The following ACTR1B variants were observed in gnomAD, a reference collection of about 807,000 sequenced individuals.
ACTR1B encodes beta-centractin.
Under a neutral mutation model 49.4 loss-of-function variants are expected in ACTR1B, and 34 were observed. The ratio of observed to expected loss-of-function variants is 0.69; its 90% CI spans 0.52 to 0.92. The LOEUF is 0.92. Ranked by LOEUF, ACTR1B falls within the 40% of genes least tolerant of loss-of-function variation. The pLI is 0.00. For synonymous variants in ACTR1B, 207 were observed against 207.8 expected (o/e 1.00, Z 0.03); for missense variants, 471 against 522.4 (o/e 0.90, Z 0.96).
Position 97,659,742 on chromosome 2 carries a change from A to T in ACTR1B, c.190-265T>A. 1 of 536,110 alleles carries T rather than the reference A, an allele frequency of 1.9e-6. No homozygotes were observed. Among genetic ancestry groups the T allele is most frequent in the African/African-American group, 1.9e-5 (1 of 52,300 alleles). 33.2% of individuals were successfully genotyped at this position (536,110 alleles called of 1,614,324 possible). A position where few individuals can be genotyped will look rare whatever the true frequency, so the allele number is the denominator to read the frequency against. ...GGTGGCAGTGTGCCCCGCAATCTGC[A>T]GGCTCTCTTCTTCCCCATTCTCACT... On this transcript the variant is annotated intron_variant, in intron 3 of 10. Transcript: ENST00000289228. The surrounding 1 kb of genome is among the most constrained non-coding windows in gnomAD (Gnocchi z 4.0).
In ACTR1B at chr2:97,659,836, GC is replaced by G; in HGVS notation, c.190-360del. 3.0e-6 allele frequency: 1 copy of G among 334,762 alleles called. No individual in the cohort carries two copies. Among genetic ancestry groups the G allele is most frequent in the African/African-American group, 2.1e-5 (1 of 46,858 alleles). 20.7% of individuals were successfully genotyped at this position (334,762 alleles called of 1,614,324 possible). On this transcript the variant is annotated intron_variant, in intron 3 of 10. Coordinates refer to ENST00000289228, the MANE Select transcript of ACTR1B (RefSeq NM_005735.4). The surrounding 1 kb of genome is among the most constrained non-coding windows in gnomAD (Gnocchi z 4.0). ...CTCTGGCCAGCGCCGGCACCTTGCA[GC>G]CGCCCAACACGGCCCCTCCTGGGCC...
At position 97,658,231 on chromosome 2, in the gene ACTR1B, G is replaced by T. The variant is rs367614205; in HGVS notation, c.743C>A (p.Thr248Lys). ...CCAGGCCCGGCCACTTACATCAAGC[G>T]TGCTGCCGTCTGGCAACGTGTACTG... ...KVQYTLPDGS[T>K]LDVGPARFRA... Residue 248 changes from threonine (T) to lysine (K), a missense_variant, in exon 7 of 11, where the codon ACG (threonine) becomes AAG (lysine). Coordinates refer to ENST00000289228, the MANE Select transcript of ACTR1B (RefSeq NM_005735.4). The surrounding 1 kb of genome is among the most constrained non-coding windows in gnomAD (Gnocchi z 5.9). The T allele has an allele frequency of 1.2e-6, 2 of 1,614,012 alleles. No individual in the cohort carries two copies. The highest frequency in any genetic ancestry group is 2.7e-5 in the African/African-American group (2 of 74,938).
intron 2 of ACTR1B, 60 bp downstream of exon 2, chr2:97,661,822 G>T: frequency 6.6e-7 from 1 of 1,514,250 alleles, no homozygotes; most frequent in Non-Finnish European, 9.0e-7. Context: ...GTGACAGAAG[G>T]CCAATGTTCT....
intron 2 of ACTR1B, among the ~76,000 whole-genome samples, chr2:97,661,347 G>A (rs1268012371): frequency 6.6e-6 from 1 of 152,226 alleles, no homozygotes; most frequent in East Asian, 1.9e-4. Context: ...GTGCCCCTAA[G>A]GGCAACTTTC....
rs144577602 is a variant in ACTR1B at position 97,658,058 on chromosome 2, A to G, written c.810T>C (p.Asp270=). ...ELLFQPDLVG[D]ESEGLHEVVA... is the part of the protein sequence containing the mutation. ...CCACCTCATGGAGCCCCTCACTCTC[A>G]TCCCCGACAAGGTCCGGCTGGAACA... The change falls in exon 8 of 11, where the codon GAT becomes GAC. Residue 270 remains aspartate, a synonymous_variant. Transcript: ENST00000289228. The surrounding 1 kb of genome is among the most constrained non-coding windows in gnomAD (Gnocchi z 5.9). 98 of 1,613,924 alleles carry G rather than the reference A, an allele frequency of 6.1e-5. No individual in the cohort carries two copies. In the African/African-American group the frequency reaches 1.1e-3, roughly 18 times the overall value.
chr2:97,657,309 G>C, intron 9 of ACTR1B, 117 bp from the exon 10 acceptor site: 1 of 1,504,622 alleles, frequency 6.6e-7, no homozygotes, highest in South Asian at 1.1e-5. Flanking sequence ...AAGCTGGGGA[G>C]TGGCAGCAGC....
intron 8 of ACTR1B, 100 bp from the exon 9 acceptor site, chr2:97,657,609 C>CT: frequency 8.4e-7 from 1 of 1,194,788 alleles, no homozygotes; most frequent in African/African-American, 1.5e-5. Flanking sequence ...TGCTGGTCCT[C>CT]TATCAGCAGC....
At chr2:97,663,810 G>A in intron 1 of ACTR1B, 33 bp downstream of exon 1, 3 of 1,348,586 alleles carry the variant, frequency 2.2e-6, no homozygotes, top group African/African-American at 1.5e-5. Context: ...CGGGGGCGGG[G>A]CGCCCGCCCT....
At chr2:97,660,848 C>T (rs1674993638) in intron 2 of ACTR1B, among the ~76,000 whole-genome samples, 1 of 152,144 alleles carries the variant, frequency 6.6e-6, no homozygotes, top group Admixed American at 6.5e-5. Flanking sequence ...AGCTCAGGGT[C>T]AGAAGGCACG....
At position 97,656,319 on chromosome 2, in the gene ACTR1B, G is replaced by C. The variant is rs1378507036; in HGVS notation, c.*539C>G. 6.3e-6 allele frequency: 1 copy of C among 159,794 alleles called. No homozygotes were observed. The highest frequency in any genetic ancestry group is 1.4e-5 in the Non-Finnish European group (1 of 72,662). The allele number at this position is 159,794 out of a possible 1,614,324, so 9.9% of individuals were successfully genotyped here. A position where few individuals can be genotyped will look rare whatever the true frequency, so the allele number is the denominator to read the frequency against. On this transcript the variant is annotated 3_prime_UTR_variant, in exon 11 of 11. Coordinates refer to ENST00000289228, the MANE Select transcript of ACTR1B (RefSeq NM_005735.4). The stretch of plus-strand genomic sequence containing the variant: ...GCCTGACCCTGGGCTGCACCCCCTT[G>C]CTGGGGATGGAAGACCATTCAGTAC...
In ACTR1B at chr2:97,661,457, T is replaced by C. The variant is rs538244812; in HGVS notation, c.113+425A>G. Among the ~76,000 whole-genome samples the C allele has an allele frequency of 2.4e-3, 369 of 152,296 alleles. 3 individuals carry two copies. Among genetic ancestry groups the C allele is most frequent in the African/African-American group, 8.1e-3 (338 of 41,568 alleles). Reference sequence around the variant, plus strand: ...GTACCATACAGGGCAAAGGATCCCCTCTTAACTGAAACAAGACATTTTCTA... The same window carrying C: ...GTACCATACAGGGCAAAGGATCCCCCCTTAACTGAAACAAGACATTTTCTA... On this transcript the variant is annotated intron_variant, in intron 2 of 10. Transcript: ENST00000289228.
intron 9 of ACTR1B, 79 bp downstream of exon 9, chr2:97,657,369 G>T: frequency 6.5e-7 from 1 of 1,533,114 alleles, no homozygotes; most frequent in Non-Finnish European, 9.0e-7. Context: ...GAGCGGGTCT[G>T]GGGGCAGCAT....
chr2:97,659,214 G>C lies in ACTR1B; in HGVS notation c.315+138C>G. The C allele has an allele frequency of 6.9e-7, 1 of 1,443,056 alleles. No homozygotes were observed. The highest frequency in any genetic ancestry group is 9.4e-7 in the Non-Finnish European group (1 of 1,058,912). The allele number at this position is 1,443,056 out of a possible 1,614,324, so 89.4% of individuals were successfully genotyped here. ...CCTAGCAGCCACTGGGTACGTATGC[G>C]CACCCAGACACACACGGAAAGGCAG... On this transcript the variant is annotated intron_variant, in intron 4 of 10. Coordinates refer to ENST00000289228, the MANE Select transcript of ACTR1B (RefSeq NM_005735.4). The surrounding 1 kb of genome is among the most constrained non-coding windows in gnomAD (Gnocchi z 4.0).
rs1674950888 is a variant in ACTR1B, at chr2:97,659,392, T to C, written c.275A>G (p.Tyr92Cys). 6.2e-7 allele frequency: 1 copy of C among 1,613,876 alleles called. No homozygotes were observed. The highest frequency in any genetic ancestry group is 1.7e-5 in the Admixed American group (1 of 60,002). ...DWNDMERIWQ[Y>C]VYSKDQLQTF... ...CTGCAGCTGATCCTTGGAGTAGACG[T>C]ACTGCCAGATGCGTTCCATGTCGTT... The change falls in exon 4 of 11, where the codon TAC (tyrosine) becomes TGC (cysteine). Residue 92 changes from tyrosine (Y) to cysteine (C), a missense_variant. Tyr to Cys is a radical substitution (Grantham distance 194). Transcript: ENST00000289228. The surrounding 1 kb of genome is among the most constrained non-coding windows in gnomAD (Gnocchi z 4.0).
At chr2:97,663,696 C>T (rs1675096212) in intron 1 of ACTR1B, 147 bp downstream of exon 1, 1 of 259,350 alleles carries the variant, frequency 3.9e-6, no homozygotes, top group Non-Finnish European at 6.7e-6. Flanking sequence ...GGGCGCGCGC[C>T]CCCGGGGCGA....
At chr2:97,660,317 A>G (rs1674979219) in intron 3 of ACTR1B, among the ~76,000 whole-genome samples, 1 of 152,194 alleles carries the variant, frequency 6.6e-6, no homozygotes, top group African/African-American at 2.4e-5. Context: ...TGACTCTTAT[A>G]TCACTTTTTG....
At chr2:97,662,425 G>A (rs1206118696) in intron 1 of ACTR1B, among the ~76,000 whole-genome samples, 1 of 143,438 alleles carries the variant, frequency 7.0e-6, no homozygotes, top group African/African-American at 2.6e-5. Flanking sequence ...TTTTTCAACA[G>A]CTTCCTTCTC....
chr2:97,663,619 G>A (rs1473332011), intron 1 of ACTR1B, among the ~76,000 whole-genome samples: 1 of 151,954 alleles, frequency 6.6e-6, no homozygotes, highest in Non-Finnish European at 1.5e-5. Flanking sequence ...TCGGGGAGGG[G>A]TCGGGGAAGA....
chr2:97,658,833 A>G lies in ACTR1B; in HGVS notation c.440+46T>C. ...CCCTGGTCATGGCAAGCAGGACGGC[A>G]CAGGGAGGACAGGACTCAGGGAGGC... On this transcript the variant is annotated intron_variant, in intron 5 of 10. Transcript: ENST00000289228. This position sits in a 1 kb window ranked among gnomAD's most constrained non-coding sequence, Gnocchi z 5.9. 1 of 1,613,198 alleles carries G rather than the reference A, an allele frequency of 6.2e-7. No individual in the cohort carries two copies. The highest frequency in any genetic ancestry group is 8.5e-7 in the Non-Finnish European group (1 of 1,179,580).
Sources: gnomAD v4.1 joint callset for allele counts (sites outside exome capture counted in the v4.1 genomes callset) on GRCh38, gnomAD v4.1.1 for gene constraint, Gnocchi (gnomAD v3.1) non-coding constraint, MANE v1.5 for transcripts, NCBI Gene and HGNC (gene_info 2026-07-23, HGNC 2026-07-21) for gene names.